FOXP2: variants seen among roughly 807,000 people sequenced by gnomAD.
FOXP2 encodes forkhead box P2.
FOXP2 carries 12 observed loss-of-function variants against 115.8 expected under a neutral mutation model. The observed-to-expected ratio is 0.10, with a 90% confidence interval of 0.07 to 0.17. FOXP2 has a LOEUF of 0.17. FOXP2 is among the 10% of genes least tolerant of loss of function. FOXP2 has a pLI of 1.00. For missense variants in FOXP2, 629 were observed against 843.5 expected, an observed-to-expected ratio of 0.75 and a Z score of 3.15; for synonymous variants, 328 against 297.7, an observed-to-expected ratio of 1.10 and a Z score of -1.05.
In FOXP2 at chr7:114,293,689, G is replaced by A. The variant is rs959366131; in HGVS notation, c.-11+5580G>A. Among the ~76,000 whole-genome samples, 17 of 152,086 alleles carry A rather than the reference G, an allele frequency of 1.1e-4. 1 individual carries two copies. Among genetic ancestry groups the A allele is most frequent in the Admixed American group, 1.1e-3 (17 of 15,268 alleles). On this transcript the variant is annotated intron_variant, in intron 2 of 17. Coordinates refer to the FOXP2 transcript ENST00000634411. ...CTCAGGAGATCTGGTGGCTGTATGG[G>A]GGGCTTCCCCCTTCACTAGGCACTC...
intron 3 of FOXP2, among the ~76,000 whole-genome samples, chr7:114,588,265 C>T (rs1802252599): frequency 6.6e-6 from 1 of 151,920 alleles, no homozygotes; most frequent in Non-Finnish European, 1.5e-5. Flanking sequence ...CAAGATCGCA[C>T]CACTGCAATC....
intron 2 of FOXP2, among the ~76,000 whole-genome samples, chr7:114,342,398 A>G (rs1256926911): frequency 5.3e-5 from 8 of 151,450 alleles, no homozygotes. Flanking sequence ...ATAGCCTATC[A>G]TATCTTAATT....
At chr7:114,146,861 C>A (rs1584506757) in intron 1 of FOXP2, among the ~76,000 whole-genome samples, 1 of 152,264 alleles carries the variant, frequency 6.6e-6, no homozygotes, top group East Asian at 1.9e-4. Flanking sequence ...TAAAGGTCAT[C>A]CAGTCCAACA....
chr7:114,390,014 A>G (rs1266955808), intron 2 of FOXP2, among the ~76,000 whole-genome samples: 1 of 107,836 alleles, frequency 9.3e-6, no homozygotes, highest in African/African-American at 3.6e-5. Flanking sequence ...ACAGAGTGAC[A>G]TTCAGTGTCA....
At chr7:114,527,441 A>G (rs1285394410) in intron 2 of FOXP2, among the ~76,000 whole-genome samples, 1 of 149,502 alleles carries the variant, frequency 6.7e-6, no homozygotes, top group Non-Finnish European at 1.5e-5. Context: ...CTATTTCCTC[A>G]TCTCCTTTCA....
At chr7:114,137,981 G>A (rs966858328) in intron 1 of FOXP2, among the ~76,000 whole-genome samples, 39 of 152,160 alleles carry the variant, frequency 2.6e-4, no homozygotes, top group African/African-American at 8.7e-4. Flanking sequence ...AATAGGGCTG[G>A]TTATAGGATT....
chr7:114,692,749 T>C lies in FOXP2; in HGVS notation c.*2823T>C. 1 of 445,236 alleles carries C rather than the reference T, an allele frequency of 2.2e-6. No individual in the cohort carries two copies. Among genetic ancestry groups the C allele is most frequent in the East Asian group, 7.0e-5 (1 of 14,330 alleles). 27.6% of individuals were successfully genotyped at this position (445,236 alleles called of 1,614,324 possible). ...TCTATCATAAGCTGATTATGGGGAC[T>C]ATGATCTTTTGTATACAGCAAATTT... is the stretch of plus-strand genomic sequence containing the variant. On this transcript the variant is annotated 3_prime_UTR_variant, in exon 17 of 17. Coordinates refer to ENST00000350908, the MANE Select transcript of FOXP2 (RefSeq NM_014491.4).
intron 2 of FOXP2, among the ~76,000 whole-genome samples, chr7:114,376,603 G>A (rs1218353239): frequency 6.6e-6 from 1 of 152,148 alleles, no homozygotes; most frequent in African/African-American, 2.4e-5. Context: ...CCTGAGAGAG[G>A]TAGACTTCTA....
At chr7:114,500,080 T>G (rs1369715495) in intron 2 of FOXP2, among the ~76,000 whole-genome samples, 3 of 151,842 alleles carry the variant, frequency 2.0e-5, no homozygotes, top group Non-Finnish European at 4.4e-5. Context: ...CCAGGCTTGG[T>G]GGCGGGCGCC....
chr7:114,693,312 A>C lies in FOXP2; in HGVS notation c.*3386A>C. 1 of 453,180 alleles carries C rather than the reference A, an allele frequency of 2.2e-6. No individual in the cohort carries two copies. The highest frequency in any genetic ancestry group is 4.4e-6 in the Non-Finnish European group (1 of 226,312). The allele number at this position is 453,180 out of a possible 1,614,324, so 28.1% of individuals were successfully genotyped here. ...TTCTTTGTGATTAGGGAATCGAAGA[A>C]TAGTCAGCTAGGAATAGAGCTACAG... On this transcript the variant is annotated 3_prime_UTR_variant, in exon 17 of 17. Transcript: ENST00000350908.
chr7:114,604,494 G>A (rs1273576767), intron 3 of FOXP2, among the ~76,000 whole-genome samples: 2 of 152,142 alleles, frequency 1.3e-5, no homozygotes, highest in Non-Finnish European at 2.9e-5. Context: ...CTGAAAGCTT[G>A]CATTCAAATA....
At position 114,356,023 on chromosome 7, in the gene FOXP2, G is replaced by T. The variant is rs536855176; in HGVS notation, c.-11+67914G>T. On this transcript the variant is annotated intron_variant, in intron 2 of 17. Transcript: ENST00000634411. ...TTTTAAAAAATCATTTTAATTAGTTGCTGTTATTGTAGTTATCATTATCTT... is the reference window on the plus strand; with the variant it reads ...TTTTAAAAAATCATTTTAATTAGTTTCTGTTATTGTAGTTATCATTATCTT... 1.6e-4 allele frequency among the ~76,000 whole-genome samples: 25 copies of T among 152,138 alleles called. No homozygotes were observed. In the South Asian group the frequency reaches 1.7e-3, roughly 10 times the overall value.
intron 3 of FOXP2, among the ~76,000 whole-genome samples, chr7:114,580,849 A>G (rs1801816855): frequency 6.6e-6 from 1 of 152,132 alleles, no homozygotes; most frequent in Non-Finnish European, 1.5e-5. Flanking sequence ...GTAGGCAGTT[A>G]GCACTGAGTT....
intron 2 of FOXP2, among the ~76,000 whole-genome samples, chr7:114,430,324 A>G (rs913338375): frequency 6.6e-6 from 1 of 151,778 alleles, no homozygotes; most frequent in Non-Finnish European, 1.5e-5. Flanking sequence ...AAGAATGAAA[A>G]TATGTATCAA....
rs1192136126 is a variant in FOXP2 at position 114,690,859 on chromosome 7, C to G, written c.*933C>G. 2.2e-6 allele frequency: 1 copy of G among 454,382 alleles called. No homozygotes were observed. Among genetic ancestry groups the G allele is most frequent in the Non-Finnish European group, 4.4e-6 (1 of 226,788 alleles). The allele number at this position is 454,382 out of a possible 1,614,324, so 28.1% of individuals were successfully genotyped here. A position where few individuals can be genotyped will look rare whatever the true frequency, so the allele number is the denominator to read the frequency against. On this transcript the variant is annotated 3_prime_UTR_variant, in exon 17 of 17. Coordinates refer to ENST00000350908, the MANE Select transcript of FOXP2 (RefSeq NM_014491.4). ...CAAAGGAACCTTTTCCATGAACTAC[C>G]TGCTGTTTTCTGATGACCTCTGGGA... is the stretch of plus-strand genomic sequence containing the variant.
At chr7:114,176,227 TTGTCTTTTC>T (rs1266249051) in intron 1 of FOXP2, among the ~76,000 whole-genome samples, 11 of 149,482 alleles carry the variant, frequency 7.4e-5, no homozygotes, top group South Asian at 2.1e-4. Flanking sequence ...TTGTCTTGTC[TTGTCTTTTC>T]TTTCTTTCTT....
At chr7:114,389,299 T>C (rs1200906546) in intron 2 of FOXP2, among the ~76,000 whole-genome samples, 2 of 152,040 alleles carry the variant, frequency 1.3e-5, no homozygotes, top group African/African-American at 4.8e-5. Context: ...AACCTTAGAG[T>C]TTCTAGAGGA....
chr7:114,378,302 A>G (rs1241985181), intron 2 of FOXP2, among the ~76,000 whole-genome samples: 1 of 152,112 alleles, frequency 6.6e-6, no homozygotes, highest in Non-Finnish European at 1.5e-5. Flanking sequence ...ACATTGCTAA[A>G]TCTTGACTAA....
At chr7:114,306,569 G>A (rs1011866650) in intron 2 of FOXP2, among the ~76,000 whole-genome samples, 5 of 152,132 alleles carry the variant, frequency 3.3e-5, no homozygotes, top group African/African-American at 1.2e-4. Context: ...AGAAGCTCAT[G>A]GAGAATGTCT....
Sources: gnomAD v4.1 joint callset for allele counts (sites outside exome capture counted in the v4.1 genomes callset) on GRCh38, gnomAD v4.1.1 for gene constraint, MANE v1.5 for transcripts, NCBI Gene and HGNC (gene_info 2026-07-23, HGNC 2026-07-21) for gene names.